RALYL: variants seen among roughly 807,000 people sequenced by gnomAD.
RALYL encodes the protein RALY RNA binding protein like, also known as RNA-binding Raly-like protein.
In RALYL, 29 loss-of-function variants were observed where a neutral mutation model predicts 35.1. The ratio of observed to expected loss-of-function variants is 0.83; its 90% CI spans 0.61 to 1.13. The LOEUF (loss-of-function observed/expected upper bound fraction) is 1.13. RALYL is among the 50% of genes most tolerant of loss of function. The pLI, the probability that RALYL is intolerant of heterozygous loss-of-function variation, is 0.00. For synonymous variants in RALYL, 120 were observed against 127.6 expected, an observed-to-expected ratio of 0.94 and a Z score of 0.40; for missense variants, 359 against 360.4, an observed-to-expected ratio of 1.00 and a Z score of 0.03.
At chr8:84,851,361 C>A (rs889174415) in intron 5 of RALYL, among the ~76,000 whole-genome samples, 2 of 152,008 alleles carry the variant, frequency 1.3e-5, no homozygotes, top group African/African-American at 4.8e-5. Context: ...AATTACTTAC[C>A]GTTTATATGT....
chr8:84,199,450 C>A (rs1192547911), intron 1 of RALYL, among the ~76,000 whole-genome samples: 1 of 152,118 alleles, frequency 6.6e-6, no homozygotes, highest in Non-Finnish European at 1.5e-5. Flanking sequence ...TGAGTTGTCT[C>A]CTCACTTTGT....
chr8:84,516,649 G>C (rs1472159230), intron 1 of RALYL, among the ~76,000 whole-genome samples: 1 of 152,126 alleles, frequency 6.6e-6, no homozygotes, highest in Non-Finnish European at 1.5e-5. Flanking sequence ...ATAAGCAGGA[G>C]ACTTCACACC....
At chr8:84,413,369 A>G (rs1460082212) in intron 1 of RALYL, among the ~76,000 whole-genome samples, 1 of 151,720 alleles carries the variant, frequency 6.6e-6, no homozygotes, top group Admixed American at 6.6e-5. Flanking sequence ...TATTTGGGAA[A>G]AAGTAGGTGT....
At chr8:84,752,475 C>G (rs1267193636) in intron 2 of RALYL, among the ~76,000 whole-genome samples, 5 of 152,116 alleles carry the variant, frequency 3.3e-5, no homozygotes. Flanking sequence ...AAGCAGGCTG[C>G]AGAAATTTGC....
intron 1 of RALYL, among the ~76,000 whole-genome samples, chr8:84,216,996 T>C (rs1047378902): frequency 6.6e-6 from 1 of 152,160 alleles, no homozygotes; most frequent in Non-Finnish European, 1.5e-5. Flanking sequence ...TACATCTATA[T>C]GCTGCTAGCA....
chr8:84,247,689 T>C (rs1421525208), intron 1 of RALYL, among the ~76,000 whole-genome samples: 5 of 152,156 alleles, frequency 3.3e-5, no homozygotes, highest in African/African-American at 1.2e-4. Flanking sequence ...TCTTGTATTA[T>C]TTTCCAAGAG....
chr8:84,857,278 T>C (rs1352782123), intron 5 of RALYL, among the ~76,000 whole-genome samples: 1 of 152,136 alleles, frequency 6.6e-6, no homozygotes, highest in Admixed American at 6.5e-5. Context: ...GAATTTGTTA[T>C]CAGGTTTTGC....
intron 4 of RALYL, among the ~76,000 whole-genome samples, chr8:84,810,195 T>C (rs1825602495): frequency 6.6e-6 from 1 of 152,174 alleles, no homozygotes. Context: ...ATTATTGTCG[T>C]TCAGTTCAAA....
At chr8:84,784,785 A>G (rs1053265529) in intron 3 of RALYL, among the ~76,000 whole-genome samples, 6 of 152,168 alleles carry the variant, frequency 3.9e-5, no homozygotes, top group Non-Finnish European at 4.4e-5. Flanking sequence ...TTTAGACAGA[A>G]GGCAAAAGGG....
intron 7 of RALYL, among the ~76,000 whole-genome samples, chr8:84,885,547 C>T (rs559216560): frequency 3.4e-4 from 52 of 152,206 alleles, no homozygotes; most frequent in African/African-American, 1.2e-3. Context: ...AATTCACATC[C>T]TTACTGCACA....
intron 1 of RALYL, among the ~76,000 whole-genome samples, chr8:84,279,115 G>A (rs1336832484): frequency 6.6e-6 from 1 of 152,168 alleles, no homozygotes; most frequent in Non-Finnish European, 1.5e-5. Flanking sequence ...TGGCTTACAT[G>A]GCAGCAGGCA....
At chr8:84,642,522 A>T (rs1826587780) in intron 2 of RALYL, among the ~76,000 whole-genome samples, 1 of 151,988 alleles carries the variant, frequency 6.6e-6, no homozygotes, top group Admixed American at 6.6e-5. Flanking sequence ...CAAGATAGAG[A>T]GCTTTAGAAG....
At chr8:84,556,769 CT>C (rs558371786) in intron 2 of RALYL, among the ~76,000 whole-genome samples, 1 of 151,824 alleles carries the variant, frequency 6.6e-6, no homozygotes, top group African/African-American at 2.4e-5. Context: ...TGTTTCTACT[CT>C]TTTTTTTGAC....
intron 2 of RALYL, among the ~76,000 whole-genome samples, chr8:84,553,895 T>G (rs1001027442): frequency 6.6e-6 from 1 of 152,208 alleles, no homozygotes; most frequent in African/African-American, 2.4e-5. Flanking sequence ...GCAGAAAATT[T>G]AAGTGTTACA....
At chr8:84,405,978 T>C (rs2043443238) in intron 1 of RALYL, among the ~76,000 whole-genome samples, 3 of 148,484 alleles carry the variant, frequency 2.0e-5, no homozygotes, top group African/African-American at 7.5e-5. Flanking sequence ...ATTACCATAA[T>C]CTAGAAAAAC....
intron 1 of RALYL, among the ~76,000 whole-genome samples, chr8:84,441,337 G>A (rs2048309928): frequency 6.6e-6 from 1 of 152,020 alleles, no homozygotes; most frequent in African/African-American, 2.4e-5. Context: ...ATTTGTCAAA[G>A]GCACTGAGGT....
chr8:84,647,642 A>T lies in RALYL; in HGVS notation c.256+118065A>T, dbSNP rs953909422. ...TAGGTCTTTGTGGACTCAATTTATTATCTCTAGTATTTACCTTTCCCTTGA... is the reference window on the plus strand; with the variant it reads ...TAGGTCTTTGTGGACTCAATTTATTTTCTCTAGTATTTACCTTTCCCTTGA... On this transcript the variant is annotated intron_variant, in intron 2 of 8. Coordinates refer to ENST00000521268, the MANE Select transcript of RALYL (RefSeq NM_173848.7). Among the ~76,000 whole-genome samples the T allele has an allele frequency of 5.3e-5, 8 of 152,236 alleles. No homozygotes were observed. In the South Asian group the frequency reaches 1.2e-3, roughly 24 times the overall value.
At chr8:84,329,875 G>T (rs1846496746) in intron 1 of RALYL, among the ~76,000 whole-genome samples, 1 of 151,974 alleles carries the variant, frequency 6.6e-6, no homozygotes, top group African/African-American at 2.4e-5. Context: ...ATGCAGGCCT[G>T]AGTCTGTTTT....
intron 1 of RALYL, among the ~76,000 whole-genome samples, chr8:84,334,475 A>G (rs1847399659): frequency 6.6e-6 from 1 of 151,534 alleles, no homozygotes; most frequent in African/African-American, 2.4e-5. Context: ...TAAGAACAAG[A>G]ACATCCTTTT....
Sources: allele counts gnomAD v4.1 joint callset (sites outside exome capture counted in the v4.1 genomes callset), GRCh38; gene constraint gnomAD v4.1.1; transcripts MANE v1.5; gene names NCBI Gene and HGNC (gene_info 2026-07-23, HGNC 2026-07-21).